The following ADGRB3 variants were observed in gnomAD, a reference collection of about 807,000 sequenced individuals.
ADGRB3 encodes brain-specific angiogenesis inhibitor 3.
Under a neutral mutation model 193.4 loss-of-function variants are expected in ADGRB3, and 37 were observed. The observed-to-expected ratio is 0.19, with a 90% CI of 0.15 to 0.25. The LOEUF (loss-of-function observed/expected upper bound fraction) is 0.25, where lower values mean the gene tolerates loss of function less well. Ranked by LOEUF, ADGRB3 falls within the 10% of genes least tolerant of loss-of-function variation. The probability of loss-of-function intolerance (pLI) is 1.00; values close to 1 mark genes in which losing one functional copy is unlikely to be tolerated. For missense variants in ADGRB3, 1,637 were observed against 1,852.9 expected (o/e 0.88, Z 2.14); for synonymous variants, 690 against 644.2 (o/e 1.07, Z -1.08).
At chr6:68,661,452 CATAT>C (rs1257398915) in intron 3 of ADGRB3, among the ~76,000 whole-genome samples, 1 of 81,778 alleles carries the variant, frequency 1.2e-5, no homozygotes, top group Non-Finnish European at 2.6e-5. Context: ...TGTGTGTATA[CATAT>C]ATATGTGTGT....
intron 3 of ADGRB3, among the ~76,000 whole-genome samples, chr6:68,802,013 A>T (rs1767320982): frequency 6.6e-6 from 1 of 152,236 alleles, no homozygotes; most frequent in South Asian, 2.1e-4. Context: ...GCAACAAAAA[A>T]GAAATATTCT....
intron 16 of ADGRB3, among the ~76,000 whole-genome samples, chr6:69,067,100 T>C (rs1358008253): frequency 6.6e-6 from 1 of 152,156 alleles, no homozygotes. Flanking sequence ...TTCATGTAGT[T>C]CCATTTCAAA....
chr6:68,661,543 A>G (rs1416653804), intron 3 of ADGRB3, among the ~76,000 whole-genome samples: 2 of 20,250 alleles, frequency 9.9e-5, no homozygotes, highest in African/African-American at 2.9e-4. Context: ...GTATACATAT[A>G]TATATATATA....
intron 28 of ADGRB3, among the ~76,000 whole-genome samples, chr6:69,357,830 C>G (rs554438581): frequency 1.3e-5 from 2 of 151,972 alleles, no homozygotes; most frequent in East Asian, 3.9e-4. Context: ...TGTCAGGATG[C>G]AGTCTCACTA....
At chr6:68,852,769 A>G (rs1768432831) in intron 3 of ADGRB3, among the ~76,000 whole-genome samples, 1 of 152,010 alleles carries the variant, frequency 6.6e-6, no homozygotes, top group Non-Finnish European at 1.5e-5. Flanking sequence ...ACACTGTAAC[A>G]ATGCAGGCTG....
At chr6:68,940,547 C>CTT in intron 5 of ADGRB3, among the ~76,000 whole-genome samples, 15 of 69,216 alleles carry the variant, frequency 2.2e-4, no homozygotes, top group African/African-American at 8.0e-4. Flanking sequence ...TGCTTTTGAA[C>CTT]TTTTTTTTTT....
chr6:68,766,049 G>A (rs1766503404), intron 3 of ADGRB3, among the ~76,000 whole-genome samples: 1 of 151,808 alleles, frequency 6.6e-6, no homozygotes, highest in African/African-American at 2.4e-5. Context: ...TATCATGCGT[G>A]GATGTATTTA....
At chr6:69,191,988 G>A (rs956125362) in intron 17 of ADGRB3, among the ~76,000 whole-genome samples, 2 of 152,098 alleles carry the variant, frequency 1.3e-5, no homozygotes, top group African/African-American at 2.4e-5. Context: ...GGAAGGCAAG[G>A]TCCTGGTGAT....
intron 17 of ADGRB3, among the ~76,000 whole-genome samples, chr6:69,175,898 G>T (rs553482029): frequency 1.8e-4 from 28 of 152,196 alleles, no homozygotes; most frequent in African/African-American, 6.0e-4. Flanking sequence ...TGCAGCTATT[G>T]TAAATGGGAT....
At chr6:69,291,834 C>T (rs1351641331) in intron 20 of ADGRB3, among the ~76,000 whole-genome samples, 1 of 152,050 alleles carries the variant, frequency 6.6e-6, no homozygotes, top group African/African-American at 2.4e-5. Flanking sequence ...AACCTTCTCC[C>T]CACTCTTCTT....
chr6:69,300,261 T>G (rs943270738), intron 20 of ADGRB3, among the ~76,000 whole-genome samples: 2 of 151,694 alleles, frequency 1.3e-5, no homozygotes, highest in African/African-American at 4.8e-5. Context: ...TTTAATGAAA[T>G]TAAACATTCC....
intron 17 of ADGRB3, among the ~76,000 whole-genome samples, chr6:69,187,232 T>G (rs988064896): frequency 6.6e-6 from 1 of 152,178 alleles, no homozygotes; most frequent in African/African-American, 2.4e-5. Flanking sequence ...AAAACGTTTT[T>G]AACGAATTAA....
rs1582669773 is a variant in ADGRB3, at chr6:69,382,716, C to T, written c.4276-115C>T. On this transcript the variant is annotated intron_variant, in intron 30 of 31. Transcript: ENST00000370598. Reference sequence around the variant, plus strand: ...TGCATTTGTGCATCTTATAGGACCTCCTGGTTCCTGCCAAACTTGATTACC... The same window carrying T: ...TGCATTTGTGCATCTTATAGGACCTTCTGGTTCCTGCCAAACTTGATTACC... The T allele has an allele frequency of 1.6e-5, 10 of 633,216 alleles. No individual in the cohort carries two copies. In the East Asian group the frequency reaches 2.5e-4, roughly 16 times the overall value. 39.2% of individuals were successfully genotyped at this position (633,216 alleles called of 1,614,324 possible).
chr6:68,837,062 A>G (rs950392235), intron 3 of ADGRB3, among the ~76,000 whole-genome samples: 1 of 152,154 alleles, frequency 6.6e-6, no homozygotes, highest in Admixed American at 6.6e-5. Context: ...AGCCCTCTCA[A>G]TGGGCTCTGT....
intron 3 of ADGRB3, among the ~76,000 whole-genome samples, chr6:68,663,570 T>C (rs1447276472): frequency 6.6e-6 from 1 of 151,824 alleles, no homozygotes; most frequent in Non-Finnish European, 1.5e-5. Flanking sequence ...AGGCAATGCA[T>C]TGTAGAACTT....
At chr6:68,794,664 A>G (rs1395853983) in intron 3 of ADGRB3, among the ~76,000 whole-genome samples, 1 of 152,118 alleles carries the variant, frequency 6.6e-6, no homozygotes, top group African/African-American at 2.4e-5. Flanking sequence ...ACTCTATTTT[A>G]GTTGCTTTAT....
intron 17 of ADGRB3, among the ~76,000 whole-genome samples, chr6:69,230,603 T>C (rs1766112526): frequency 2.0e-5 from 3 of 152,202 alleles, no homozygotes; most frequent in Middle Eastern, 3.2e-3. Context: ...ATATGTATGC[T>C]AGTGAGTTAA....
At chr6:68,921,348 C>A (rs533833174) in intron 3 of ADGRB3, among the ~76,000 whole-genome samples, 1 of 152,064 alleles carries the variant, frequency 6.6e-6, no homozygotes, top group Non-Finnish European at 1.5e-5. Flanking sequence ...ATCAACAAGG[C>A]AGGAATAATA....
intron 3 of ADGRB3, among the ~76,000 whole-genome samples, chr6:68,865,367 A>C (rs2150216710): frequency 6.6e-6 from 1 of 152,138 alleles, no homozygotes. Flanking sequence ...AGGGATCTGA[A>C]GTTATAAGGG....
Sources: gnomAD v4.1 joint callset for allele counts (sites outside exome capture counted in the v4.1 genomes callset) on GRCh38, gnomAD v4.1.1 for gene constraint, MANE v1.5 for transcripts, NCBI Gene and HGNC (gene_info 2026-07-23, HGNC 2026-07-21) for gene names.